RALB: variants seen among roughly 807,000 people sequenced by gnomAD.
The protein encoded by RALB is RAS like proto-oncogene B.
Under a neutral mutation model 21.3 loss-of-function variants are expected in RALB, and 16 were observed. The observed-to-expected ratio is 0.75, with a 90% CI of 0.51 to 1.14. The LOEUF (loss-of-function observed/expected upper bound fraction) is 1.14. Ranked by LOEUF, RALB falls within the 50% of genes most tolerant of loss-of-function variation. RALB has a pLI of 0.00. For synonymous variants in RALB, 93 were observed against 96.1 expected (o/e 0.97, Z 0.19); for missense variants, 161 against 256.2 (o/e 0.63, Z 2.54).
intron 1 of RALB, among the ~76,000 whole-genome samples, chr2:120,256,085 AG>A (rs1689192873): frequency 1.3e-5 from 1 of 76,124 alleles, no homozygotes; most frequent in Non-Finnish European, 2.9e-5. Context: ...GATCTCACAC[AG>A]TTTCTGAAGT....
chr2:120,283,341 A>C (rs886217663), intron 2 of RALB, among the ~76,000 whole-genome samples: 2 of 152,230 alleles, frequency 1.3e-5, no homozygotes, highest in East Asian at 1.9e-4. Flanking sequence ...GCGTGGCCCA[A>C]GACAGTTTTT....
At chr2:120,257,506 T>C (rs544209856) in intron 1 of RALB, among the ~76,000 whole-genome samples, 7 of 77,532 alleles carry the variant, frequency 9.0e-5, no homozygotes, top group African/African-American at 4.3e-4. Flanking sequence ...AATTCTATGA[T>C]CCTTATTTTT....
intron 1 of RALB, among the ~76,000 whole-genome samples, chr2:120,258,452 G>A (rs1689252162): frequency 6.6e-6 from 1 of 152,220 alleles, no homozygotes; most frequent in Non-Finnish European, 1.5e-5. Context: ...CATTCACAGG[G>A]CTGGAAGAAG....
chr2:120,280,876 C>A, intron 2 of RALB: 1 of 441,736 alleles, frequency 2.3e-6, no homozygotes, highest in Admixed American at 2.6e-5. Flanking sequence ...AAAAAGTATA[C>A]AGCAAACAAA....
chr2:120,292,598 C>T (rs1487384804), intron 4 of RALB, among the ~76,000 whole-genome samples: 2 of 152,248 alleles, frequency 1.3e-5, no homozygotes, highest in East Asian at 3.9e-4. Flanking sequence ...ATGTATAGAT[C>T]TGTTATATGC....
At chr2:120,272,194 A>G (rs1333306102) in intron 1 of RALB, among the ~76,000 whole-genome samples, 1 of 152,148 alleles carries the variant, frequency 6.6e-6, no homozygotes, top group African/African-American at 2.4e-5. Context: ...CACATGGTGG[A>G]AAGAGCCCAG....
At position 120,293,987 on chromosome 2, in the gene RALB, G is replaced by A. The variant is rs536034526; in HGVS notation, c.*727G>A. On this transcript the variant is annotated 3_prime_UTR_variant, in exon 5 of 5. Coordinates refer to ENST00000272519, the MANE Select transcript of RALB (RefSeq NM_002881.3). ...GGAACTTTTCTTTGGCAGACCAAGT[G>A]AAGACTCAGGAATGGTGTGCATTAT... 7.6e-6 allele frequency: 3 copies of A among 396,776 alleles called. No individual in the cohort carries two copies. Among genetic ancestry groups the A allele is most frequent in the South Asian group, 1.4e-4 (1 of 7,016 alleles). The allele number at this position is 396,776 out of a possible 1,614,324, so 24.6% of individuals were successfully genotyped here. A position where few individuals can be genotyped will look rare whatever the true frequency, so the allele number is the denominator to read the frequency against.
chr2:120,288,872 T>C (rs113968979), intron 3 of RALB, among the ~76,000 whole-genome samples: 28 of 152,228 alleles, frequency 1.8e-4, no homozygotes, highest in African/African-American at 6.3e-4. Context: ...CTGTGGCCTA[T>C]AACATTACTG....
rs561455840 is a variant in RALB at position 120,285,793 on chromosome 2, C to A, written c.115-81C>A. 300 of 1,096,022 alleles carry A rather than the reference C, an allele frequency of 2.7e-4. 2 individuals are homozygous for A. The Admixed American group carries it at 4.5e-3, about 16-fold the overall frequency. The allele number at this position is 1,096,022 out of a possible 1,614,324, so 67.9% of individuals were successfully genotyped here. Reference sequence around the variant, plus strand: ...AGTGTCCTGTTCATAGTGTGAAGTGCCCATATGTGGAATTTTGTTTTTTGG... The same window carrying A: ...AGTGTCCTGTTCATAGTGTGAAGTGACCATATGTGGAATTTTGTTTTTTGG... On this transcript the variant is annotated intron_variant, in intron 2 of 4. Transcript: ENST00000272519.
intron 2 of RALB, among the ~76,000 whole-genome samples, chr2:120,281,659 A>C (rs531537708): frequency 6.6e-6 from 1 of 152,270 alleles, no homozygotes; most frequent in South Asian, 2.1e-4. Flanking sequence ...GGATAAATCT[A>C]ATGTAATCTG....
At chr2:120,288,354 GT>G (rs398042633) in intron 3 of RALB, among the ~76,000 whole-genome samples, 4 of 128,914 alleles carry the variant, frequency 3.1e-5, no homozygotes, top group Admixed American at 1.7e-4. Context: ...TTTTTTTTTT[GT>G]TTTTTTTTTT....
chr2:120,244,501 GGTCA>G (rs1371242555), intron 1 of RALB, among the ~76,000 whole-genome samples: 1 of 152,164 alleles, frequency 6.6e-6, no homozygotes, highest in Non-Finnish European at 1.5e-5. Context: ...AGTAAGCTGG[GGTCA>G]GTAAGCTGAG....
At chr2:120,290,287 C>T (rs73948794) in intron 4 of RALB, among the ~76,000 whole-genome samples, 4,827 of 152,222 alleles carry the variant, frequency 0.032, 256 homozygotes, top group African/African-American at 0.11. Context: ...CCACACCCGG[C>T]GGACTATGCT....
chr2:120,242,557 A>AC (rs1186330912), intron 1 of RALB, among the ~76,000 whole-genome samples: 1 of 151,864 alleles, frequency 6.6e-6, no homozygotes, highest in African/African-American at 2.4e-5. Context: ...ACATGGTGAA[A>AC]CCCCGTCTCT....
chr2:120,247,753 A>G (rs1375722528), intron 1 of RALB, among the ~76,000 whole-genome samples: 17 of 152,244 alleles, frequency 1.1e-4, no homozygotes. Flanking sequence ...TAGGCGCTCC[A>G]CGAGGGTTCC....
chr2:120,269,799 T>C (rs1401113511), intron 1 of RALB, among the ~76,000 whole-genome samples: 1 of 152,236 alleles, frequency 6.6e-6, no homozygotes, highest in African/African-American at 2.4e-5. Flanking sequence ...TGACAAAAAA[T>C]TATTCTTGTA....
intron 1 of RALB, among the ~76,000 whole-genome samples, chr2:120,271,659 A>C (rs533021254): frequency 6.6e-6 from 1 of 152,296 alleles, no homozygotes; most frequent in Admixed American, 6.5e-5. Context: ...GTGATGTTTC[A>C]TGCCTTTGTT....
chr2:120,252,692 C>A (rs1483794526), upstream of RALB: 3 of 821,556 alleles, frequency 3.7e-6, no homozygotes, highest in African/African-American at 3.7e-5. Flanking sequence ...ATTGGTGAAA[C>A]CTCCTCCCCG....
chr2:120,292,887 GTTTGC>G (rs894192451), intron 4 of RALB, among the ~76,000 whole-genome samples: 29 of 151,976 alleles, frequency 1.9e-4, no homozygotes, highest in Non-Finnish European at 1.0e-4. Flanking sequence ...TATGAGAGAT[GTTTGC>G]TTTGTATAAT....
Sources: allele counts gnomAD v4.1 joint callset (sites outside exome capture counted in the v4.1 genomes callset), GRCh38; gene constraint gnomAD v4.1.1; transcripts MANE v1.5; gene names NCBI Gene and HGNC (gene_info 2026-07-23, HGNC 2026-07-21).